The following EHBP1 variants were observed in gnomAD, a reference collection of about 807,000 sequenced individuals.
The protein encoded by EHBP1 is EH domain-binding protein 1.
Under a neutral mutation model 144.0 loss-of-function variants are expected in EHBP1, and 55 were observed. The ratio of observed to expected loss-of-function variants is 0.38; its 90% confidence interval spans 0.31 to 0.48. The LOEUF (loss-of-function observed/expected upper bound fraction) is 0.48, where lower values mean the gene tolerates loss of function less well. EHBP1 is among the 20% of genes least tolerant of loss of function. The pLI is 0.98. For synonymous variants in EHBP1, 469 were observed against 472.7 expected, an observed-to-expected ratio of 0.99 and a Z score of 0.10; for missense variants, 1,200 against 1,364.2, an observed-to-expected ratio of 0.88 and a Z score of 1.90.
In EHBP1 at chr2:62,901,835, G is replaced by A. The variant is rs543567951; in HGVS notation, c.1185+27303G>A. Among the ~76,000 whole-genome samples the A allele has an allele frequency of 9.9e-5, 15 of 151,860 alleles. No individual in the cohort carries two copies. In the South Asian group the frequency reaches 1.5e-3, roughly 15 times the overall value. On this transcript the variant is annotated intron_variant, in intron 10 of 22. Transcript: ENST00000431489. ...ATGGAAATCAGCAGGGCGTGGCAGCGATTCCTGACGTCCCAGCTGCTTGGG... is the reference window on the plus strand; with the variant it reads ...ATGGAAATCAGCAGGGCGTGGCAGCAATTCCTGACGTCCCAGCTGCTTGGG...
At chr2:62,893,837 A>G (rs1293170174) in intron 10 of EHBP1, among the ~76,000 whole-genome samples, 1 of 152,100 alleles carries the variant, frequency 6.6e-6, no homozygotes, top group African/African-American at 2.4e-5. Context: ...TGAGCTCAGG[A>G]GTTCGAGACC....
chr2:62,996,825 A>T (rs2059647901), intron 19 of EHBP1, 59 bp downstream of exon 19: 3 of 1,583,108 alleles, frequency 1.9e-6, no homozygotes, highest in Non-Finnish European at 2.6e-6. Context: ...ACAAACTCTT[A>T]TAGAGTTTTG....
intron 5 of EHBP1, 132 bp from the exon 6 acceptor site, chr2:62,825,954 AT>A (rs2046316847): frequency 1.8e-6 from 1 of 553,778 alleles, no homozygotes; most frequent in South Asian, 4.8e-5. Flanking sequence ...TTATTTAGTT[AT>A]TGTGTGATAG....
At chr2:62,968,969 C>T (rs544969663) in intron 14 of EHBP1, among the ~76,000 whole-genome samples, 1 of 152,152 alleles carries the variant, frequency 6.6e-6, no homozygotes, top group Non-Finnish European at 1.5e-5. Flanking sequence ...CAGCAAGAGG[C>T]CTTGGATGTA....
upstream of EHBP1, among the ~76,000 whole-genome samples, chr2:62,703,260 G>A (rs571520709): frequency 2.5e-4 from 38 of 151,990 alleles, 2 homozygotes; most frequent in Admixed American, 2.2e-3. Flanking sequence ...CCAGCTACTC[G>A]GGAGGTTGAG....
intron 19 of EHBP1, among the ~76,000 whole-genome samples, chr2:63,023,019 C>T (rs1051901171): frequency 2.0e-5 from 3 of 152,006 alleles, no homozygotes; most frequent in African/African-American, 7.3e-5. Flanking sequence ...ACTAAATATT[C>T]AATAATTAGC....
rs1210940461 is a variant in EHBP1, at chr2:62,864,656, T to C, written c.758-75T>C. 5.0e-6 allele frequency: 7 copies of C among 1,408,568 alleles called. No homozygotes were observed. The South Asian group carries it at 5.4e-5, about 11-fold the overall frequency. 87.3% of individuals were successfully genotyped at this position (1,408,568 alleles called of 1,614,324 possible). ...CTTATTAATTCAATAATGCATATAT[T>C]TGAGAACACTAAACAATATTAGAAA... On this transcript the variant is annotated intron_variant, in intron 8 of 22. Transcript: ENST00000431489.
chr2:63,006,393 C>G (rs1215959105), intron 19 of EHBP1, among the ~76,000 whole-genome samples: 1 of 151,960 alleles, frequency 6.6e-6, no homozygotes, highest in Non-Finnish European at 1.5e-5. Context: ...GGCAGCTACA[C>G]TGAGTTAACA....
chr2:62,752,514 G>T (rs1276855870), intron 3 of EHBP1, among the ~76,000 whole-genome samples: 2 of 152,170 alleles, frequency 1.3e-5, no homozygotes, highest in Non-Finnish European at 2.9e-5. Flanking sequence ...GCAGAGCTGA[G>T]TTCAGTTCCT....
chr2:62,833,052 A>T (rs183868681), intron 7 of EHBP1, among the ~76,000 whole-genome samples: 3 of 152,326 alleles, frequency 2.0e-5, no homozygotes, highest in East Asian at 3.9e-4. Flanking sequence ...GAAAAGATTT[A>T]AAAAATGCAT....
Position 62,955,500 on chromosome 2 carries a change from G to A in EHBP1, c.2317-17G>A, listed in dbSNP as rs748018029. On this transcript the variant is annotated splice_polypyrimidine_tract_variant and intron_variant, in intron 13 of 22. Transcript: ENST00000431489. ...CGTTTTTTTTTTGGCTTCTAATTCT[G>A]TATCTTTGCTTTTAAGCATCGATTG... The A allele has an allele frequency of 6.3e-7, 1 of 1,577,186 alleles. No individual in the cohort carries two copies. Among genetic ancestry groups the A allele is most frequent in the Middle Eastern group, 1.7e-4 (1 of 5,850 alleles).
rs199803144 is a variant in EHBP1, at chr2:63,045,118, G to A, written c.3330G>A (p.Glu1110=). ...GACGCGAACAGCTTCTGCTAGATGA[G>A]CTGGTGGCCCTGGTGAACAAGCGCG... The part of the protein sequence containing the change: ...QKRREQLLLD[E]LVALVNKRDA... The change falls in exon 22 of 23, where the codon GAG becomes GAA. Residue 1110 remains glutamate, a synonymous_variant. Transcript: ENST00000431489. This position sits in a 1 kb window ranked among gnomAD's most constrained non-coding sequence, Gnocchi z 5.7. 1.1e-5 allele frequency: 18 copies of A among 1,595,448 alleles called. No individual in the cohort carries two copies. The highest frequency in any genetic ancestry group is 1.5e-5 in the Non-Finnish European group (18 of 1,170,672).
Position 62,948,708 on chromosome 2 carries a change from C to G in EHBP1, c.1862C>G (p.Ser621Cys), listed in dbSNP as rs766204731. 2.6e-5 allele frequency: 42 copies of G among 1,613,940 alleles called. No homozygotes were observed. Among genetic ancestry groups the G allele is most frequent in the Non-Finnish European group, 3.3e-5 (39 of 1,180,008 alleles). ...AAAAGTGACACAGAACCCCAGAAGT[C>G]TCAGCAGAGCTCTGGAAGGACTTCA... is the stretch of plus-strand genomic sequence containing the variant. The part of the protein sequence containing the change: ...RTKSDTEPQK[S>C]QQSSGRTSGS... The change falls in exon 13 of 23, where the codon TCT (serine) becomes TGT (cysteine). Residue 621 changes from serine to cysteine, a missense_variant. This residue lies in a region of EHBP1 where 543 missense variants were observed against 513.1 expected (regional missense o/e 1.06). Transcript: ENST00000431489.
At chr2:62,773,768 T>C (rs1200272813) in intron 5 of EHBP1, among the ~76,000 whole-genome samples, 1 of 142,686 alleles carries the variant, frequency 7.0e-6, no homozygotes, top group Non-Finnish European at 1.5e-5. Flanking sequence ...GGAGAATTGC[T>C]TGAACCAGGG....
chr2:62,910,540 C>T (rs1487014406), intron 10 of EHBP1, among the ~76,000 whole-genome samples: 1 of 151,906 alleles, frequency 6.6e-6, no homozygotes, highest in Non-Finnish European at 1.5e-5. Context: ...ATTTTGCCTA[C>T]CATTATATTG....
At chr2:62,687,362 T>C (rs902689609) in intron 1 of EHBP1, among the ~76,000 whole-genome samples, 8 of 152,242 alleles carry the variant, frequency 5.3e-5, no homozygotes, top group African/African-American at 1.9e-4. Context: ...TCAGAAACTG[T>C]TTTGCCTTGA....
intron 4 of EHBP1, among the ~76,000 whole-genome samples, chr2:62,765,433 A>G (rs2041102694): frequency 6.6e-6 from 1 of 152,148 alleles, no homozygotes; most frequent in South Asian, 2.1e-4. Context: ...TATATTCATT[A>G]CTTCATTAAT....
At chr2:62,729,014 G>A (rs571743007) in intron 2 of EHBP1, among the ~76,000 whole-genome samples, 1 of 151,404 alleles carries the variant, frequency 6.6e-6, no homozygotes, top group African/African-American at 2.4e-5. Flanking sequence ...GTCTAGTCTG[G>A]TTATTTTCTT....
At chr2:62,768,390 C>G (rs1398907173) in intron 4 of EHBP1, among the ~76,000 whole-genome samples, 1 of 152,214 alleles carries the variant, frequency 6.6e-6, no homozygotes, top group African/African-American at 2.4e-5. Flanking sequence ...ATGAACACCT[C>G]TTTGCACACA....
Sources: gnomAD v4.1 joint callset for allele counts (sites outside exome capture counted in the v4.1 genomes callset) on GRCh38, gnomAD v4.1.1 for gene constraint, gnomAD v4.1.1 regional missense constraint, Gnocchi (gnomAD v3.1) non-coding constraint, MANE v1.5 for transcripts, NCBI Gene and HGNC (gene_info 2026-07-23, HGNC 2026-07-21) for gene names.